Variants in MARCHF8 observed in about 807,000 individuals in gnomAD.
MARCHF8 encodes membrane associated ring-CH-type finger 8, also known as E3 ubiquitin-protein ligase MARCHF8.
MARCHF8 carries 40 observed loss-of-function variants against 51.6 expected under a neutral mutation model. That is an observed-to-expected ratio of 0.77 (90% CI 0.60 to 1.01). The LOEUF (loss-of-function observed/expected upper bound fraction) is 1.01, where lower values mean the gene tolerates loss of function less well. MARCHF8 is among the 50% of genes least tolerant of loss of function. MARCHF8 has a pLI of 0.00. For missense variants in MARCHF8, 685 were observed against 708.6 expected, an observed-to-expected ratio of 0.97 and a Z score of 0.38; for synonymous variants, 263 against 280.3, an observed-to-expected ratio of 0.94 and a Z score of 0.62.
At chr10:45,509,835 T>C (rs1306944519) in intron 2 of MARCHF8, among the ~76,000 whole-genome samples, 1 of 152,182 alleles carries the variant, frequency 6.6e-6, no homozygotes, top group East Asian at 1.9e-4. Context: ...GTTATTGGCA[T>C]AGCTTCCTAG....
chr10:45,496,774 T>A (rs4948676), intron 2 of MARCHF8, among the ~76,000 whole-genome samples: 139,908 of 151,808 alleles, frequency 0.92, 64,631 homozygotes, highest in East Asian at 1. Flanking sequence ...GTTAGAAAAA[T>A]ATATATATAT....
At chr10:45,563,018 C>G (rs1055480788) in intron 1 of MARCHF8, among the ~76,000 whole-genome samples, 4 of 151,108 alleles carry the variant, frequency 2.6e-5, no homozygotes, top group Non-Finnish European at 4.4e-5. Context: ...TCCCTCCCTC[C>G]CTTCCTCTCT....
intron 2 of MARCHF8, among the ~76,000 whole-genome samples, chr10:45,507,137 T>C (rs1390907801): frequency 6.6e-6 from 1 of 152,208 alleles, no homozygotes; most frequent in South Asian, 2.1e-4. Context: ...AAAGTTACTT[T>C]GGCTAAAAGT....
chr10:45,504,474 A>C (rs1019097996), intron 2 of MARCHF8, among the ~76,000 whole-genome samples: 1 of 152,182 alleles, frequency 6.6e-6, no homozygotes, highest in African/African-American at 2.4e-5. Flanking sequence ...AAAATAACCT[A>C]TGATGTATAA....
chr10:45,534,065 C>T (rs1280598790), intron 1 of MARCHF8, among the ~76,000 whole-genome samples: 2 of 152,092 alleles, frequency 1.3e-5, no homozygotes, highest in African/African-American at 2.4e-5. Flanking sequence ...CGCCTGTAGT[C>T]GCAGCTACTC....
At chr10:45,567,667 T>G (rs567418988) in intron 1 of MARCHF8, among the ~76,000 whole-genome samples, 3 of 152,214 alleles carry the variant, frequency 2.0e-5, no homozygotes, top group Non-Finnish European at 4.4e-5. Context: ...GCCAGTACCA[T>G]GCTGTTTTGG....
At chr10:45,504,898 C>T (rs542251152) in intron 2 of MARCHF8, among the ~76,000 whole-genome samples, 1 of 152,296 alleles carries the variant, frequency 6.6e-6, no homozygotes, top group South Asian at 2.1e-4. Context: ...GGGGCTTATA[C>T]TGAGTGGCCA....
chr10:45,527,934 A>G (rs1337212521), intron 2 of MARCHF8, among the ~76,000 whole-genome samples: 1 of 152,254 alleles, frequency 6.6e-6, no homozygotes, highest in Non-Finnish European at 1.5e-5. Context: ...CCAGGGATAC[A>G]AGTAGGGTTT....
intron 1 of MARCHF8, among the ~76,000 whole-genome samples, chr10:45,576,693 A>G (rs2044492979): frequency 6.6e-6 from 1 of 151,852 alleles, no homozygotes; most frequent in Admixed American, 6.6e-5. Flanking sequence ...AGGCCAAGGC[A>G]GGAGAATTGT....
At position 45,458,527 on chromosome 10, in the gene MARCHF8, G is replaced by C; in HGVS notation, c.1434C>G (p.Pro478=). ...QGQATGILEW[P]FWTKLVVVAI... is the part of the protein sequence containing the mutation. ...CCACAACCACCAATTTAGTCCAAAAGGGCCATTCTAGGATTCCTGGAAGGG... is the reference window on the plus strand; with the variant it reads ...CCACAACCACCAATTTAGTCCAAAACGGCCATTCTAGGATTCCTGGAAGGG... The change falls in exon 8 of 8, where the codon CCC becomes CCG. Residue 478 remains proline (P), a synonymous_variant. Coordinates refer to ENST00000453424, the MANE Select transcript of MARCHF8 (RefSeq NM_001282866.2). 6.3e-7 allele frequency: 1 copy of C among 1,592,176 alleles called. No individual in the cohort carries two copies. The highest frequency in any genetic ancestry group is 8.5e-7 in the Non-Finnish European group (1 of 1,170,620).
intron 1 of MARCHF8, among the ~76,000 whole-genome samples, chr10:45,561,202 G>T (rs1391848475): frequency 6.6e-6 from 1 of 151,328 alleles, no homozygotes; most frequent in Non-Finnish European, 1.5e-5. Flanking sequence ...AAATATGAGT[G>T]AGAGCAAGCA....
At chr10:45,512,951 G>A (rs976431188) in intron 2 of MARCHF8, among the ~76,000 whole-genome samples, 3 of 151,748 alleles carry the variant, frequency 2.0e-5, no homozygotes, top group East Asian at 1.9e-4. Context: ...TCTGAAACAT[G>A]TGCTGTGTCC....
At chr10:45,493,887 G>A (rs903401965) in intron 2 of MARCHF8, among the ~76,000 whole-genome samples, 2 of 152,188 alleles carry the variant, frequency 1.3e-5, no homozygotes, top group South Asian at 4.1e-4. Context: ...CTGGGCTCAA[G>A]TGATCCTCCC....
At chr10:45,513,389 C>T (rs369174067) in intron 2 of MARCHF8, among the ~76,000 whole-genome samples, 2 of 152,072 alleles carry the variant, frequency 1.3e-5, no homozygotes, top group East Asian at 3.8e-4. Context: ...GAGCCAGGTA[C>T]AGGTCCAGCC....
chr10:45,469,164 C>T (rs1589082491), intron 3 of MARCHF8, among the ~76,000 whole-genome samples: 1 of 151,852 alleles, frequency 6.6e-6, no homozygotes, highest in Non-Finnish European at 1.5e-5. Flanking sequence ...CAAAGTGAAA[C>T]AAGCAGAGAG....
intron 1 of MARCHF8, among the ~76,000 whole-genome samples, chr10:45,543,487 A>T (rs1440793653): frequency 6.6e-6 from 1 of 152,222 alleles, no homozygotes; most frequent in Non-Finnish European, 1.5e-5. Context: ...AATACTTGAC[A>T]ATCATATATC....
At chr10:45,570,050 T>C (rs2044412655) in intron 1 of MARCHF8, among the ~76,000 whole-genome samples, 1 of 152,210 alleles carries the variant, frequency 6.6e-6, no homozygotes, top group Non-Finnish European at 1.5e-5. Flanking sequence ...TAAGTTAAAA[T>C]ACTCAGCCTA....
At position 45,463,183 on chromosome 10, in the gene MARCHF8, T is replaced by C. The variant is rs1031941910; in HGVS notation, c.1056A>G (p.Ile352Met). The change falls in exon 5 of 8, where the codon ATA becomes ATG. Residue 352 changes from isoleucine (I) to methionine (M), a missense_variant. Physicochemically the swap from Ile to Met is conservative, Grantham distance 10. Coordinates refer to ENST00000453424, the MANE Select transcript of MARCHF8 (RefSeq NM_001282866.2). ...PSPFSEKLPP[I>M]SPVSTSGDVC... The stretch of plus-strand genomic sequence containing the variant: ...CATCCCCTGACGTGGACACGGGAGA[T>C]ATGGGGGGTAATTTTTCAGAGAAGG... 6.5e-6 allele frequency: 10 copies of C among 1,550,372 alleles called. No homozygotes were observed. The African/African-American group carries it at 1.1e-4, about 17-fold the overall frequency.
rs190792057 is a variant in MARCHF8 at position 45,585,960 on chromosome 10, T to C, written c.-79+8275A>G. ...TCTAGACATTTCCTATGAGTATACATACATTTAAATATTTTACATAAAATC... is the reference window on the plus strand; with the variant it reads ...TCTAGACATTTCCTATGAGTATACACACATTTAAATATTTTACATAAAATC... On this transcript the variant is annotated intron_variant, in intron 1 of 6. Coordinates refer to the MARCHF8 transcript ENST00000319836. Among the ~76,000 whole-genome samples the C allele has an allele frequency of 2.3e-3, 347 of 152,286 alleles. 3 individuals carry two copies. The highest frequency in any genetic ancestry group is 3.6e-3 in the Non-Finnish European group (246 of 67,982).
Sources: allele counts gnomAD v4.1 joint callset (sites outside exome capture counted in the v4.1 genomes callset), GRCh38; gene constraint gnomAD v4.1.1; transcripts MANE v1.5; gene names NCBI Gene and HGNC (gene_info 2026-07-23, HGNC 2026-07-21).